SH3RF3: variants seen among roughly 807,000 people sequenced by gnomAD.
SH3RF3 encodes the protein SH3 domain containing ring finger 3, also known as E3 ubiquitin-protein ligase SH3RF3.
A neutral mutation model predicts 66.3 loss-of-function variants in SH3RF3; 29 were observed. The ratio of observed to expected loss-of-function variants is 0.44; its 90% CI spans 0.33 to 0.60. SH3RF3 has a LOEUF of 0.60. SH3RF3 is among the 20% of genes least tolerant of loss of function. The probability of loss-of-function intolerance (pLI) is 0.04; values close to 1 mark genes in which losing one functional copy is unlikely to be tolerated. For missense variants in SH3RF3, 1,194 were observed against 1,190.9 expected, an observed-to-expected ratio of 1.00 and a Z score of -0.04; for synonymous variants, 583 against 532.0, an observed-to-expected ratio of 1.10 and a Z score of -1.32.
At chr2:109,433,710 G>C (rs1677315278) in intron 6 of SH3RF3, among the ~76,000 whole-genome samples, 1 of 152,256 alleles carries the variant, frequency 6.6e-6, no homozygotes, top group South Asian at 2.1e-4. Flanking sequence ...GCAATCTTCA[G>C]CCAGGGCCTC....
Position 109,501,870 on chromosome 2 carries a change from C to T in SH3RF3, c.*199C>T, listed in dbSNP as rs535343665. 2.2e-5 allele frequency: 12 copies of T among 555,536 alleles called. No individual in the cohort carries two copies. Among genetic ancestry groups the T allele is most frequent in the African/African-American group, 7.5e-5 (4 of 53,512 alleles). The allele number at this position is 555,536 out of a possible 1,614,324, so 34.4% of individuals were successfully genotyped here. A position where few individuals can be genotyped will look rare whatever the true frequency, so the allele number is the denominator to read the frequency against. On this transcript the variant is annotated 3_prime_UTR_variant, in exon 10 of 10. Transcript: ENST00000309415. ...CCAAAACCCCCAAACGGAGAGCACA[C>T]CTGGGATGTTCTTCAAGGAAATGCC...
intron 4 of SH3RF3, among the ~76,000 whole-genome samples, chr2:109,404,135 G>A (rs1676387724): frequency 6.6e-6 from 1 of 152,304 alleles, no homozygotes; most frequent in Non-Finnish European, 1.5e-5. Flanking sequence ...GGTAAGAAGT[G>A]GGTGTGGCCG....
chr2:109,280,389 T>C (rs1303326356), intron 1 of SH3RF3, among the ~76,000 whole-genome samples: 1 of 152,174 alleles, frequency 6.6e-6, no homozygotes, highest in Non-Finnish European at 1.5e-5. Context: ...GCATCCCACC[T>C]GAGTGCGCTC....
intron 3 of SH3RF3, among the ~76,000 whole-genome samples, chr2:109,390,105 ACCG>A: frequency 6.6e-6 from 1 of 152,178 alleles, no homozygotes; most frequent in Non-Finnish European, 1.5e-5. Flanking sequence ...TTAAGTGTCT[ACCG>A]GAGGCCATGC....
chr2:109,437,016 C>T lies in SH3RF3; in HGVS notation c.1698C>T (p.Thr566=). The T allele has an allele frequency of 6.2e-7, 1 of 1,613,878 alleles. No individual in the cohort carries two copies. The highest frequency in any genetic ancestry group is 8.5e-7 in the Non-Finnish European group (1 of 1,179,892). ...SGSLSSLATA[T]RPALPITTPQ... The stretch of plus-strand genomic sequence containing the variant: ...GTCTGAGCAGCCTGGCCACTGCCAC[C>T]AGGCCCGCCCTGCCCATCACCACTC... Residue 566 remains threonine, a synonymous_variant, in exon 7 of 10, where the codon ACC becomes ACT. Transcript: ENST00000309415.
rs1034820696 is a variant in SH3RF3 at position 109,398,872 on chromosome 2, A to G, written c.1228A>G (p.Ser410Gly). ...SMEISAPVLI[S>G]SSDPRAAARI... Reference sequence around the variant, plus strand: ...GGAAATTAGTGCTCCAGTGTTGATCAGCTCCAGCGATCCCCGAGCCGCGGC... The same window carrying G: ...GGAAATTAGTGCTCCAGTGTTGATCGGCTCCAGCGATCCCCGAGCCGCGGC... Residue 410 changes from serine to glycine, a missense_variant, in exon 4 of 10, where the codon AGC becomes GGC. Coordinates refer to ENST00000309415, the MANE Select transcript of SH3RF3 (RefSeq NM_001099289.3). 3 of 1,613,830 alleles carry G rather than the reference A, an allele frequency of 1.9e-6. No homozygotes were observed.
intron 1 of SH3RF3, among the ~76,000 whole-genome samples, chr2:109,221,664 C>T (rs113138009): frequency 0.011 from 1,584 of 150,842 alleles, 30 homozygotes; most frequent in African/African-American, 0.036. Context: ...TTGGCCATTT[C>T]TGTGTCTTTT....
At chr2:109,240,916 C>A (rs1460109421) in intron 1 of SH3RF3, among the ~76,000 whole-genome samples, 1 of 149,222 alleles carries the variant, frequency 6.7e-6, no homozygotes, top group African/African-American at 2.5e-5. Context: ...CTCCCCGCTT[C>A]TTTTCTCATG....
At chr2:109,283,440 C>T (rs1354445289) in intron 1 of SH3RF3, among the ~76,000 whole-genome samples, 1 of 152,182 alleles carries the variant, frequency 6.6e-6, no homozygotes, top group Non-Finnish European at 1.5e-5. Context: ...GAGCTTTGCT[C>T]CCCTGTGGAG....
chr2:109,284,305 G>A (rs1018797465), intron 1 of SH3RF3, among the ~76,000 whole-genome samples: 1 of 152,226 alleles, frequency 6.6e-6, no homozygotes, highest in Admixed American at 6.5e-5. Flanking sequence ...GAGTATTACT[G>A]AAAGGCATTT....
chr2:109,342,635 C>T (rs541124955), intron 1 of SH3RF3, among the ~76,000 whole-genome samples: 5 of 152,310 alleles, frequency 3.3e-5, no homozygotes, highest in Non-Finnish European at 5.9e-5. Flanking sequence ...CGCTGCAGGC[C>T]GACTCTGGCA....
At chr2:109,493,809 C>T (rs1474388262) in intron 9 of SH3RF3, among the ~76,000 whole-genome samples, 1 of 152,122 alleles carries the variant, frequency 6.6e-6, no homozygotes, top group African/African-American at 2.4e-5. Flanking sequence ...CACACAGATA[C>T]ACACACTATA....
intron 1 of SH3RF3, among the ~76,000 whole-genome samples, chr2:109,339,752 G>A (rs1224863209): frequency 5.9e-5 from 9 of 152,206 alleles, no homozygotes; most frequent in Admixed American, 5.2e-4. Flanking sequence ...CCAGCTCACA[G>A]CATGGGATCT....
intron 4 of SH3RF3, among the ~76,000 whole-genome samples, chr2:109,404,377 A>G (rs1470194155): frequency 6.6e-6 from 1 of 152,216 alleles, no homozygotes; most frequent in Admixed American, 6.5e-5. Context: ...GTGCCGATGC[A>G]GAACAGGCCA....
At chr2:109,462,782 AG>A (rs1190064296) in intron 8 of SH3RF3, among the ~76,000 whole-genome samples, 1 of 152,174 alleles carries the variant, frequency 6.6e-6, no homozygotes, top group Non-Finnish European at 1.5e-5. Flanking sequence ...GGATGGGTTC[AG>A]GGCCATACTT....
At chr2:109,326,403 A>C (rs2105474630) in intron 1 of SH3RF3, among the ~76,000 whole-genome samples, 1 of 152,106 alleles carries the variant, frequency 6.6e-6, no homozygotes, top group East Asian at 1.9e-4. Context: ...TACCCTGGAG[A>C]ATACTATGTT....
At chr2:109,174,804 G>T (rs1377385777) in intron 1 of SH3RF3, among the ~76,000 whole-genome samples, 2 of 152,200 alleles carry the variant, frequency 1.3e-5, no homozygotes, top group Non-Finnish European at 2.9e-5. Flanking sequence ...ACCCATGAGG[G>T]CAGGGGCTTA....
intron 8 of SH3RF3, among the ~76,000 whole-genome samples, chr2:109,469,040 G>A (rs1169764287): frequency 6.6e-6 from 1 of 151,662 alleles, no homozygotes; most frequent in Non-Finnish European, 1.5e-5. Flanking sequence ...TCAGGAGGCT[G>A]TGGGAGCAGG....
At chr2:109,254,605 G>A (rs115060662) in intron 1 of SH3RF3, among the ~76,000 whole-genome samples, 1,835 of 152,254 alleles carry the variant, frequency 0.012, 19 homozygotes, top group Middle Eastern at 0.031. Flanking sequence ...CTATTCCCAT[G>A]ACCCCGTGAG....
Sources: allele counts gnomAD v4.1 joint callset (sites outside exome capture counted in the v4.1 genomes callset), GRCh38; gene constraint gnomAD v4.1.1; transcripts MANE v1.5; gene names NCBI Gene and HGNC (gene_info 2026-07-23, HGNC 2026-07-21).